Variants in LTBR observed in about 807,000 individuals in gnomAD.
The protein encoded by LTBR is lymphotoxin beta receptor.
In LTBR, 15 loss-of-function variants were observed where a neutral mutation model predicts 45.4. The ratio of observed to expected loss-of-function variants is 0.33; its 90% CI spans 0.22 to 0.51. The LOEUF (loss-of-function observed/expected upper bound fraction) is 0.51, where lower values mean the gene tolerates loss of function less well. Among genes scored for constraint, LTBR ranks in the 20% least tolerant of loss-of-function variants. LTBR has a pLI of 0.97. For synonymous variants in LTBR, 228 were observed against 231.0 expected (o/e 0.99, Z 0.12); for missense variants, 450 against 565.5 (o/e 0.80, Z 2.07).
chr12:6,375,280 G>C, upstream of LTBR: 1 of 1,437,828 alleles, frequency 7.0e-7, no homozygotes, highest in Non-Finnish European at 9.1e-7. Flanking sequence ...CTCTAATCCT[G>C]CCTCTCTTCC....
exon 1 of LTBR, chr12:6,375,491 C>T: frequency 6.5e-7 from 1 of 1,535,644 alleles, no homozygotes; most frequent in South Asian, 1.2e-5. Flanking sequence ...AGCCAAACCT[C>T]TCCTCCCCCT....
At position 6,388,336 on chromosome 12, in the gene LTBR, TCTC is replaced by T. The variant is rs1221480163; in HGVS notation, c.668-54_668-52del. On this transcript the variant is annotated intron_variant, in intron 6 of 9. Coordinates refer to ENST00000228918, the MANE Select transcript of LTBR (RefSeq NM_002342.3). This position sits in a 1 kb window ranked among gnomAD's most constrained non-coding sequence, Gnocchi z 4.3. Reference sequence around the variant, plus strand: ...CCCAGGGATCTGGAAAGCTCTTCCTTCTCCTCCTCCCCTCTGCCCTTCTTGGGG... The same window carrying T: ...CCCAGGGATCTGGAAAGCTCTTCCTTCTCCTCCCCTCTGCCCTTCTTGGGG... 3.9e-6 allele frequency: 5 copies of T among 1,282,664 alleles called. No homozygotes were observed. The East Asian group carries it at 9.2e-5, about 24-fold the overall frequency. The allele number at this position is 1,282,664 out of a possible 1,614,324, so 79.5% of individuals were successfully genotyped here. A position where few individuals can be genotyped will look rare whatever the true frequency, so the allele number is the denominator to read the frequency against.
intron 4 of LTBR, chr12:6,385,640 C>T (rs1238934338): frequency 8.6e-5 from 44 of 511,218 alleles, no homozygotes; most frequent in Non-Finnish European, 1.4e-4. Flanking sequence ...GGTGTGGTGG[C>T]CCACGCCTGT....
At chr12:6,375,695 G>A in intron 1 of LTBR, 1 of 1,440,676 alleles carries the variant, frequency 6.9e-7, no homozygotes, top group East Asian at 2.6e-5. Context: ...TACTGGACCT[G>A]AGAAGGCGGA....
At chr12:6,384,868 C>A in intron 2 of LTBR, 154 bp from the exon 3 acceptor site, 1 of 1,110,768 alleles carries the variant, frequency 9.0e-7, no homozygotes, top group Non-Finnish European at 1.3e-6. Flanking sequence ...TGGGCCTCCT[C>A]TTTCCTTACC....
At chr12:6,384,996 G>A (rs756034024) in intron 2 of LTBR, 26 bp from the exon 3 acceptor site, 1 of 1,613,946 alleles carries the variant, frequency 6.2e-7, no homozygotes, top group African/African-American at 1.3e-5. Flanking sequence ...GTCTCCTGAG[G>A]CTCTACTGCT....
intron 2 of LTBR, 41 bp from the exon 3 acceptor site, chr12:6,384,981 G>A (rs751825363): frequency 1.9e-6 from 3 of 1,612,928 alleles, no homozygotes; most frequent in Non-Finnish European, 2.5e-6. Flanking sequence ...TGAGGGTGGA[G>A]CCTCGTCTCC....
intron 6 of LTBR, chr12:6,387,883 T>C (rs1453739190): frequency 2.2e-6 from 1 of 455,158 alleles, no homozygotes; most frequent in Admixed American, 2.4e-5. Flanking sequence ...GTTTCCCTAC[T>C]CTCTCACCCC....
rs1321194111 is a variant in LTBR at position 6,386,138 on chromosome 12, G to C, written c.545G>C (p.Ser182Thr). Residue 182 changes from serine (S) to threonine (T), a missense_variant, in exon 5 of 10, where the codon AGC (serine) becomes ACC (threonine). Transcript: ENST00000228918. The surrounding 1 kb of genome is among the most constrained non-coding windows in gnomAD (Gnocchi z 4.1). ...AGHFQNTSSP[S>T]ARCQPHTRCE... is the part of the protein sequence containing the mutation. ...CACTTCCAGAATACCTCCTCCCCCA[G>C]CGCCCGCTGCCAGCCCCACACCAGG... 2 of 1,613,498 alleles carry C rather than the reference G, an allele frequency of 1.2e-6. No individual in the cohort carries two copies. The highest frequency in any genetic ancestry group is 8.5e-7 in the Non-Finnish European group (1 of 1,179,778).
rs182511785 is a variant in LTBR, at chr12:6,388,574, G to A, written c.775+69G>A. The A allele has an allele frequency of 9.3e-5, 127 of 1,363,364 alleles. No homozygotes were observed. Among genetic ancestry groups the A allele is most frequent in the South Asian group, 6.3e-4 (54 of 85,146 alleles). The allele number at this position is 1,363,364 out of a possible 1,614,324, so 84.5% of individuals were successfully genotyped here. A position where few individuals can be genotyped will look rare whatever the true frequency, so the allele number is the denominator to read the frequency against. On this transcript the variant is annotated intron_variant, in intron 7 of 9. Transcript: ENST00000228918. The surrounding 1 kb of genome is among the most constrained non-coding windows in gnomAD (Gnocchi z 4.3). ...GGAGGGAGGAATATTCAACTTCCCC[G>A]GTGCAACCCTCCACACCCTCAAGAC...
At position 6,388,168 on chromosome 12, in the gene LTBR, GTC is replaced by G. The variant is rs2136933205; in HGVS notation, c.668-225_668-224del. On this transcript the variant is annotated intron_variant, in intron 6 of 9. Coordinates refer to ENST00000228918, the MANE Select transcript of LTBR (RefSeq NM_002342.3). This position sits in a 1 kb window ranked among gnomAD's most constrained non-coding sequence, Gnocchi z 4.3. ...CCCAAACATGCCCATCCATGATACA[GTC>G]TCTCCTGGCTGCCAAGAGGTCCTCA... The G allele has an allele frequency of 2.0e-6, 1 of 512,102 alleles. No homozygotes were observed. Among genetic ancestry groups the G allele is most frequent in the Admixed American group, 3.2e-5 (1 of 31,076 alleles). 31.7% of individuals were successfully genotyped at this position (512,102 alleles called of 1,614,324 possible).
chr12:6,388,172 C>G lies in LTBR; in HGVS notation c.668-226C>G. ...AACATGCCCATCCATGATACAGTCT[C>G]TCCTGGCTGCCAAGAGGTCCTCAAG... is the stretch of plus-strand genomic sequence containing the variant. On this transcript the variant is annotated intron_variant, in intron 6 of 9. Transcript: ENST00000228918. The surrounding 1 kb of genome is among the most constrained non-coding windows in gnomAD (Gnocchi z 4.3). 3.8e-6 allele frequency: 2 copies of G among 519,734 alleles called. No homozygotes were observed. Among genetic ancestry groups the G allele is most frequent in the South Asian group, 4.1e-5 (2 of 48,472 alleles). The allele number at this position is 519,734 out of a possible 1,614,324, so 32.2% of individuals were successfully genotyped here.
At position 6,384,581 on chromosome 12, in the gene LTBR, T is replaced by C. The variant is rs762023722; in HGVS notation, c.97-7T>C. On this transcript the variant is annotated splice_polypyrimidine_tract_variant and splice_region_variant and intron_variant, in intron 1 of 9. Transcript: ENST00000228918. Reference sequence around the variant, plus strand: ...TCTTCTCTCCTCTTCTCCATCTCCCTTTGAAGGTGCCTCCATATGCGTCGG... The same window carrying C: ...TCTTCTCTCCTCTTCTCCATCTCCCCTTGAAGGTGCCTCCATATGCGTCGG... The C allele has an allele frequency of 6.2e-7, 1 of 1,613,398 alleles. No homozygotes were observed. The highest frequency in any genetic ancestry group is 1.3e-5 in the African/African-American group (1 of 74,934).
At chr12:6,375,810 T>C in intron 1 of LTBR, 5 of 1,359,498 alleles carry the variant, frequency 3.7e-6, no homozygotes, top group Non-Finnish European at 4.7e-6. Flanking sequence ...AGCCCACAGC[T>C]AGGAGGGCAA....
In LTBR at chr12:6,388,128, G is replaced by A; in HGVS notation, c.668-270G>A. ...CCCAATCCTGGTCTCTGAGCAGGAG[G>A]GCACCCACACCACCCCCAAACATGC... On this transcript the variant is annotated intron_variant, in intron 6 of 9. Transcript: ENST00000228918. This position sits in a 1 kb window ranked among gnomAD's most constrained non-coding sequence, Gnocchi z 4.3. The A allele has an allele frequency of 4.5e-6, 2 of 448,692 alleles. No individual in the cohort carries two copies. Among genetic ancestry groups the A allele is most frequent in the Non-Finnish European group, 8.3e-6 (2 of 240,414 alleles). 27.8% of individuals were successfully genotyped at this position (448,692 alleles called of 1,614,324 possible).
chr12:6,387,320 GAAGT>G (rs964693526), intron 6 of LTBR: 8 of 152,236 alleles, frequency 5.3e-5, no homozygotes, highest in African/African-American at 1.7e-4. Context: ...TACTAAAAGT[GAAGT>G]AATTTTAATA....
At position 6,386,469 on chromosome 12, in the gene LTBR, C is replaced by CAG. The variant is rs5796232; in HGVS notation, c.667+25_667+26insAG. On this transcript the variant is annotated intron_variant, in intron 6 of 9. Coordinates refer to ENST00000228918, the MANE Select transcript of LTBR (RefSeq NM_002342.3). The surrounding 1 kb of genome is among the most constrained non-coding windows in gnomAD (Gnocchi z 4.1). The stretch of plus-strand genomic sequence containing the variant: ...GGTGAGGGACCAGGGCTGAGGGACA[C>CAG]GGGGGGGGCGCCTCTGAAAATGCCT... 1,488 of 1,484,538 alleles carry CAG rather than the reference C, an allele frequency of 1.0e-3. 18 individuals carry two copies. In the African/African-American group the frequency reaches 0.013, roughly 13 times the overall value. 92.0% of individuals were successfully genotyped at this position (1,484,538 alleles called of 1,614,324 possible).
Position 6,388,515 on chromosome 12 carries a change from G to T in LTBR, c.775+10G>T. 1.2e-6 allele frequency: 2 copies of T among 1,611,194 alleles called. No homozygotes were observed. Among genetic ancestry groups the T allele is most frequent in the Non-Finnish European group, 1.7e-6 (2 of 1,177,438 alleles). On this transcript the variant is annotated intron_variant, in intron 7 of 9. Coordinates refer to ENST00000228918, the MANE Select transcript of LTBR (RefSeq NM_002342.3). The surrounding 1 kb of genome is among the most constrained non-coding windows in gnomAD (Gnocchi z 4.3). ...CTCTGCAGGAAACTGGGTAGGAAAG[G>T]GTTGGATGCAGTGGATGGTTGGCAA... is the stretch of plus-strand genomic sequence containing the variant.
Position 6,386,002 on chromosome 12 carries a change from A to G in LTBR, c.473-64A>G. The G allele has an allele frequency of 8.8e-7, 1 of 1,138,876 alleles. No individual in the cohort carries two copies. Among genetic ancestry groups the G allele is most frequent in the Non-Finnish European group, 1.3e-6 (1 of 750,478 alleles). The allele number at this position is 1,138,876 out of a possible 1,614,324, so 70.5% of individuals were successfully genotyped here. ...ATCCTGAGGCTTAAAGGAAACTCAC[A>G]GGCCGGCAAAGGGCCCCTCCCTTTT... On this transcript the variant is annotated intron_variant, in intron 4 of 9. Coordinates refer to ENST00000228918, the MANE Select transcript of LTBR (RefSeq NM_002342.3). The surrounding 1 kb of genome is among the most constrained non-coding windows in gnomAD (Gnocchi z 4.1).
Sources: gnomAD v4.1 joint callset for allele counts on GRCh38, gnomAD v4.1.1 for gene constraint, Gnocchi (gnomAD v3.1) non-coding constraint, MANE v1.5 for transcripts, NCBI Gene and HGNC (gene_info 2026-07-23, HGNC 2026-07-21) for gene names.